Variants in DMBT1 observed in about 807,000 individuals in gnomAD.
The protein encoded by DMBT1 is deleted in malignant brain tumors 1.
A neutral mutation model predicts 252.9 loss-of-function variants in DMBT1; 198 were observed. The ratio of observed to expected loss-of-function variants is 0.78; its 90% CI spans 0.70 to 0.88. The LOEUF is 0.88. Ranked by LOEUF, DMBT1 falls within the 40% of genes least tolerant of loss-of-function variation. The pLI is 0.00. For missense variants in DMBT1, 2,432 were observed against 2,404.7 expected (o/e 1.01, Z -0.24); for synonymous variants, 990 against 942.7 (o/e 1.05, Z -0.92).
intron 8 of DMBT1, 40 bp from the exon 9 acceptor site, chr10:122,578,678 C>T (rs1307279676): frequency 1.9e-6 from 3 of 1,570,110 alleles, no homozygotes; most frequent in South Asian, 2.3e-5. Flanking sequence ...TTTTTCCCTT[C>T]AAGTCCAATT....
chr10:122,568,867 G>A (rs1417956181), intron 2 of DMBT1, among the ~76,000 whole-genome samples: 1 of 152,232 alleles, frequency 6.6e-6, no homozygotes, highest in Non-Finnish European at 1.5e-5. Flanking sequence ...GTACAACCAC[G>A]AATGTGGCCA....
At chr10:122,564,979 T>C (rs2981765) in intron 1 of DMBT1, among the ~76,000 whole-genome samples, 101,864 of 151,966 alleles carry the variant, frequency 0.67, 34,505 homozygotes, top group East Asian at 0.77. Context: ...AATTTGAATT[T>C]TTAACTGCAT....
intron 1 of DMBT1, among the ~76,000 whole-genome samples, chr10:122,564,819 G>T (rs915611250): frequency 2.6e-5 from 4 of 152,142 alleles, no homozygotes; most frequent in Non-Finnish European, 4.4e-5. Flanking sequence ...CATAGTCTGA[G>T]ATTTCTGTTG....
rs773764978 is a variant in DMBT1 at position 122,570,870 on chromosome 10, T to C, written c.140-20T>C. 5 of 1,612,436 alleles carry C rather than the reference T, an allele frequency of 3.1e-6. No individual in the cohort carries two copies. The highest frequency in any genetic ancestry group is 1.7e-4 in the Middle Eastern group (1 of 6,058). On this transcript the variant is annotated intron_variant, in intron 3 of 55. Coordinates refer to ENST00000338354, the MANE Select transcript of DMBT1 (RefSeq NM_001377530.1). ...AACAAGGGCTACCATCAATGAGCTC[T>C]TCCTTTCTCCACCCTGCAGGTTCTC...
intron 10 of DMBT1, among the ~76,000 whole-genome samples, 184 bp downstream of exon 10, chr10:122,580,085 A>G (rs764882675): frequency 3.3e-5 from 5 of 152,208 alleles, no homozygotes; most frequent in Non-Finnish European, 5.9e-5. Context: ...CACTTAGGAC[A>G]GGGGATCAAA....
At position 122,600,064 on chromosome 10, in the gene DMBT1, C is replaced by T. The variant is rs143175745; in HGVS notation, c.3281C>T (p.Ala1094Val). 200 of 1,607,816 alleles carry T rather than the reference C, an allele frequency of 1.2e-4. 15 individuals are homozygous for T. In the East Asian group the frequency reaches 2.1e-3, roughly 17 times the overall value. ...TGACCTTCTCTTCTCTTTCTCACAG[C>T]TTCCCAGTCCCGGCCAACACCTAGT... Reference protein sequence around the residue: ...HSEDAGVICSASQSRPTPSPD... With the variant: ...HSEDAGVICSVSQSRPTPSPD... Residue 1094 changes from alanine to valine, a missense_variant and splice_region_variant, in exon 27 of 56, where the codon GCT (alanine) becomes GTT (valine). This residue lies in a region of DMBT1 where 1,264 missense variants were observed against 1,082.2 expected (regional missense o/e 1.17). Coordinates refer to ENST00000338354, the MANE Select transcript of DMBT1 (RefSeq NM_001377530.1).
rs953483795 is a variant in DMBT1, at chr10:122,588,805, C to G, written c.1784-139C>G. ...TCCTTCTACTGTGATGAAGCTGAAC[C>G]TCTGGTTGCAGTCATCTTTAATCGT... On this transcript the variant is annotated intron_variant, in intron 16 of 55. Coordinates refer to ENST00000338354, the MANE Select transcript of DMBT1 (RefSeq NM_001377530.1). The G allele has an allele frequency of 1.6e-4, 237 of 1,441,884 alleles. 14 individuals carry two copies. The highest frequency in any genetic ancestry group is 6.1e-4 in the South Asian group (45 of 73,682). The allele number at this position is 1,441,884 out of a possible 1,614,324, so 89.3% of individuals were successfully genotyped here.
chr10:122,638,049 C>T (rs942064133), intron 54 of DMBT1, among the ~76,000 whole-genome samples: 1 of 152,150 alleles, frequency 6.6e-6, no homozygotes, highest in Non-Finnish European at 1.5e-5. Flanking sequence ...TAGAAAGTCC[C>T]ACGTTCCAGG....
chr10:122,620,660 C>T (rs2098057515), intron 43 of DMBT1, among the ~76,000 whole-genome samples: 1 of 152,234 alleles, frequency 6.6e-6, no homozygotes, highest in Non-Finnish European at 1.5e-5. Context: ...GGCCAATGTC[C>T]TACCATTCCT....
chr10:122,575,046 G>C (rs547901729), intron 6 of DMBT1, among the ~76,000 whole-genome samples: 1 of 152,262 alleles, frequency 6.6e-6, no homozygotes, highest in African/African-American at 2.4e-5. Context: ...AGGTGCCCTG[G>C]ACAAATTCCA....
rs530064249 is a variant in DMBT1 at position 122,574,055 on chromosome 10, C to T, written c.283+293C>T. 7.9e-5 allele frequency among the ~76,000 whole-genome samples: 12 copies of T among 152,238 alleles called. No homozygotes were observed. The East Asian group carries it at 1.9e-3, about 25-fold the overall frequency. On this transcript the variant is annotated intron_variant, in intron 6 of 55. Coordinates refer to ENST00000338354, the MANE Select transcript of DMBT1 (RefSeq NM_001377530.1). ...TGTTGCTCACTCCTGTGTTCCTCAC[C>T]CAGCTGTGCTCATCCGTGGCCAGCC...
chr10:122,569,882 G>A (rs1029251847), intron 2 of DMBT1, among the ~76,000 whole-genome samples: 4 of 152,202 alleles, frequency 2.6e-5, no homozygotes, highest in Non-Finnish European at 5.9e-5. Context: ...CTTGTGACTA[G>A]GATGGGGCTA....
In DMBT1 at chr10:122,617,235, G is replaced by A. The variant is rs757656340; in HGVS notation, c.4866G>A (p.Trp1622Ter). 6.2e-7 allele frequency: 1 copy of A among 1,609,554 alleles called. No homozygotes were observed. Among genetic ancestry groups the A allele is most frequent in the Admixed American group, 1.7e-5 (1 of 59,894 alleles). The change falls in exon 40 of 56, where the codon TGG becomes TGA. Residue 1622 changes from tryptophan (W) to a stop codon, truncating the protein, a stop_gained. Transcript: ENST00000338354. LOFTEE classifies it high-confidence loss of function. ...QSQPTPSPDT[W>*]PTSRASTAGS... ...CTTTGTTGCTATTTACAGACACTTG[G>A]CCAACCTCTCGTGCATCAACAGCAG...
intron 1 of DMBT1, among the ~76,000 whole-genome samples, chr10:122,565,217 T>C (rs2097580009): frequency 1.3e-5 from 2 of 152,160 alleles, no homozygotes; most frequent in Non-Finnish European, 2.9e-5. Flanking sequence ...CTTCAAGACA[T>C]AGGAAAAATA....
At chr10:122,578,442 C>A (rs114545682) in intron 8 of DMBT1, among the ~76,000 whole-genome samples, 1 of 152,110 alleles carries the variant, frequency 6.6e-6, no homozygotes, top group Admixed American at 6.5e-5. Flanking sequence ...AGTCAGTCCA[C>A]GCGTCAGTGG....
At chr10:122,617,635 C>T (rs2098007415) in intron 40 of DMBT1, among the ~76,000 whole-genome samples, 1 of 151,664 alleles carries the variant, frequency 6.6e-6, no homozygotes, top group Admixed American at 6.6e-5. Flanking sequence ...CCTTGCCATC[C>T]CTGGAAATTT....
chr10:122,642,508 G>A (rs1055321633), intron 55 of DMBT1, among the ~76,000 whole-genome samples: 3 of 152,214 alleles, frequency 2.0e-5, no homozygotes, highest in African/African-American at 7.2e-5. Context: ...CCCCTGCTGA[G>A]AGGAGGTGCC....
In DMBT1 at chr10:122,589,030, G is replaced by A. The variant is rs1565717742; in HGVS notation, c.1870G>A (p.Gly624Ser). The stretch of plus-strand genomic sequence containing the variant: ...GGAGGTCCTATACCGAGGCTCTTGG[G>A]GCACCGTGTGTGATGACAGCTGGGA... Reference protein sequence around the residue: ...RVEVLYRGSWGTVCDDSWDTN... With the variant: ...RVEVLYRGSWSTVCDDSWDTN... Residue 624 changes from glycine to serine, a missense_variant, in exon 17 of 56, where the codon GGC becomes AGC. Around this residue, in one of 3 missense-constraint regions of DMBT1, gnomAD observed 1,264 missense variants for 1,082.2 expected, o/e 1.17. Coordinates refer to ENST00000338354, the MANE Select transcript of DMBT1 (RefSeq NM_001377530.1). 14 of 1,588,740 alleles carry A rather than the reference G, an allele frequency of 8.8e-6. 1 individual carries two copies. Among genetic ancestry groups the A allele is most frequent in the Admixed American group, 1.7e-5 (1 of 59,592 alleles).
intron 2 of DMBT1, among the ~76,000 whole-genome samples, chr10:122,569,497 G>A (rs998897847): frequency 6.6e-6 from 1 of 152,208 alleles, no homozygotes; most frequent in Non-Finnish European, 1.5e-5. Context: ...GGGTCCTTTA[G>A]TTCCCAAAGA....
Sources: allele counts gnomAD v4.1 joint callset (sites outside exome capture counted in the v4.1 genomes callset), GRCh38; gene constraint gnomAD v4.1.1; regional missense constraint gnomAD v4.1.1; transcripts MANE v1.5; gene names NCBI Gene and HGNC (gene_info 2026-07-23, HGNC 2026-07-21).